AKAP19: variants seen among roughly 807,000 people sequenced by gnomAD.
AKAP19 encodes A-kinase anchoring protein 19.
chr2:189,890,841 C>T, the AKAP19 span, among the ~76,000 whole-genome samples: 1 of 152,166 alleles, frequency 6.6e-6, no homozygotes, highest in Non-Finnish European at 1.5e-5. Flanking sequence ...CTCCTGAATA[C>T]AGCACACTGA....
chr2:189,953,659 A>AC, the AKAP19 span, among the ~76,000 whole-genome samples: 3 of 145,344 alleles, frequency 2.1e-5, no homozygotes, highest in Non-Finnish European at 3.0e-5. Context: ...AAAAAAAAAA[A>AC]CAAAGACTTT....
At chr2:190,029,201 C>A in the AKAP19 span, among the ~76,000 whole-genome samples, 1 of 151,930 alleles carries the variant, frequency 6.6e-6, no homozygotes, top group Non-Finnish European at 1.5e-5. Context: ...TACAGGCATG[C>A]ACCACCTTGC....
the AKAP19 span, among the ~76,000 whole-genome samples, chr2:190,199,294 TGTA>T: frequency 7.9e-5 from 12 of 152,206 alleles, no homozygotes; most frequent in African/African-American, 2.7e-4. Flanking sequence ...GTTCTGCTGT[TGTA>T]GTATGAACGC....
At chr2:190,184,768 G>A in the AKAP19 span, among the ~76,000 whole-genome samples, 6 of 152,144 alleles carry the variant, frequency 3.9e-5, no homozygotes, top group Admixed American at 6.5e-5. Flanking sequence ...GGAGGACTAG[G>A]AGTAGGAAAT....
At chr2:190,160,585 G>A in the AKAP19 span, among the ~76,000 whole-genome samples, 2 of 152,112 alleles carry the variant, frequency 1.3e-5, no homozygotes, top group Non-Finnish European at 2.9e-5. Context: ...GGAATATTGG[G>A]ATATAATTCT....
At chr2:189,932,649 T>G in the AKAP19 span, among the ~76,000 whole-genome samples, 2 of 149,268 alleles carry the variant, frequency 1.3e-5, no homozygotes, top group African/African-American at 5.0e-5. Flanking sequence ...GAGGCTGCAG[T>G]GAGTCAGGAT....
the AKAP19 span, among the ~76,000 whole-genome samples, chr2:190,176,552 G>A: frequency 3.3e-5 from 5 of 152,270 alleles, no homozygotes; most frequent in East Asian, 3.9e-4. This position sits in a 1 kb window ranked among gnomAD's most constrained non-coding sequence, Gnocchi z 4.7. Context: ...GTTTCAGTAT[G>A]TTGGCCAGGC....
At chr2:189,962,681 C>T in the AKAP19 span, among the ~76,000 whole-genome samples, 1 of 152,078 alleles carries the variant, frequency 6.6e-6, no homozygotes, top group African/African-American at 2.4e-5. Context: ...CTGACAATTA[C>T]TTTTTAATCA....
chr2:189,930,972 G>T, the AKAP19 span: 1 of 843,432 alleles, frequency 1.2e-6, no homozygotes, highest in Non-Finnish European at 2.0e-6. Flanking sequence ...GAAGCAGGGA[G>T]ATGTCATCCG....
the AKAP19 span, among the ~76,000 whole-genome samples, chr2:189,886,005 C>T: frequency 6.6e-6 from 1 of 152,192 alleles, no homozygotes; most frequent in African/African-American, 2.4e-5. Context: ...GACGGGGTTT[C>T]ACCATGTTGG....
At chr2:189,986,527 A>G in the AKAP19 span, among the ~76,000 whole-genome samples, 1 of 152,100 alleles carries the variant, frequency 6.6e-6, no homozygotes, top group Non-Finnish European at 1.5e-5. Flanking sequence ...ACAGAAATCT[A>G]AAATATAGGG....
At chr2:189,978,709 T>A in the AKAP19 span, among the ~76,000 whole-genome samples, 1 of 152,196 alleles carries the variant, frequency 6.6e-6, no homozygotes, top group Non-Finnish European at 1.5e-5. Flanking sequence ...ACTACATCCA[T>A]GTTGCTGCAA....
chr2:190,199,383 A>G, the AKAP19 span, among the ~76,000 whole-genome samples: 2 of 152,100 alleles, frequency 1.3e-5, no homozygotes, highest in Non-Finnish European at 1.5e-5. Flanking sequence ...ATGGTTTGCT[A>G]GCCCTTGGTA....
At chr2:190,133,467 T>C in the AKAP19 span, among the ~76,000 whole-genome samples, 3 of 152,144 alleles carry the variant, frequency 2.0e-5, no homozygotes, top group Admixed American at 6.5e-5. Flanking sequence ...TATATACGGT[T>C]GCTGGGAATG....
At chr2:190,031,152 G>T in the AKAP19 span, among the ~76,000 whole-genome samples, 8 of 152,170 alleles carry the variant, frequency 5.3e-5, no homozygotes, top group African/African-American at 1.4e-4. Context: ...GGCAGAAGGA[G>T]CAGCATTAAC....
At chr2:190,200,075 A>G in the AKAP19 span, 1 of 1,614,102 alleles carries the variant, frequency 6.2e-7, no homozygotes, top group Non-Finnish European at 8.5e-7. Context: ...ATCTTGTGTG[A>G]TGCCTTGCAG....
At chr2:189,977,509 T>C in the AKAP19 span, among the ~76,000 whole-genome samples, 176 of 152,364 alleles carry the variant, frequency 1.2e-3, 1 homozygote, top group African/African-American at 3.8e-3. Flanking sequence ...AAATATTGAA[T>C]GCTGTTCTTG....
the AKAP19 span, among the ~76,000 whole-genome samples, chr2:190,125,108 CT>C: frequency 7.4e-3 from 1,118 of 151,938 alleles, 7 homozygotes; most frequent in Non-Finnish European, 0.011. Context: ...CAATTAACGT[CT>C]TTTTTTTGGA....
the AKAP19 span, among the ~76,000 whole-genome samples, chr2:190,088,539 C>G: frequency 6.6e-6 from 1 of 151,872 alleles, no homozygotes; most frequent in Non-Finnish European, 1.5e-5. Flanking sequence ...CATAGGTAAC[C>G]TAGTGAAGGA....
Sources: allele counts gnomAD v4.1 joint callset (sites outside exome capture counted in the v4.1 genomes callset), GRCh38; gene constraint gnomAD v4.1.1; non-coding constraint Gnocchi (gnomAD v3.1); transcripts MANE v1.5; gene names NCBI Gene and HGNC (gene_info 2026-07-23, HGNC 2026-07-21).